Variants in SOBP observed in about 807,000 individuals in gnomAD.
SOBP encodes sine oculis-binding protein homolog.
In SOBP, 4 loss-of-function variants were observed where a neutral mutation model predicts 53.6. The ratio of observed to expected loss-of-function variants is 0.07; its 90% confidence interval spans 0.04 to 0.17. The LOEUF is 0.17. Among genes scored for constraint, SOBP ranks in the 10% least tolerant of loss-of-function variants. The pLI, the probability that SOBP is intolerant of heterozygous loss-of-function variation, is 1.00. For missense variants in SOBP, 1,088 were observed against 1,204.7 expected (o/e 0.90, Z 1.43); for synonymous variants, 584 against 522.6 (o/e 1.12, Z -1.60).
chr6:107,639,558 C>T (rs970058863), intron 6 of SOBP, among the ~76,000 whole-genome samples: 17 of 152,112 alleles, frequency 1.1e-4, no homozygotes, highest in Admixed American at 2.0e-4. Context: ...GAAAAAATAT[C>T]CCCCCGAATA....
intron 4 of SOBP, among the ~76,000 whole-genome samples, chr6:107,566,715 C>T (rs998084958): frequency 1.3e-5 from 2 of 152,366 alleles, no homozygotes; most frequent in Admixed American, 6.5e-5. Flanking sequence ...CAGTGCCTCT[C>T]AACATTGTGT....
intron 4 of SOBP, among the ~76,000 whole-genome samples, chr6:107,548,488 C>T (rs542910287): frequency 8.5e-5 from 13 of 152,178 alleles, no homozygotes; most frequent in East Asian, 3.9e-4. Flanking sequence ...GTGATGCGCC[C>T]GCCTTGGCCT....
intron 4 of SOBP, among the ~76,000 whole-genome samples, chr6:107,573,157 T>G (rs1403850753): frequency 6.6e-6 from 1 of 152,132 alleles, no homozygotes; most frequent in Non-Finnish European, 1.5e-5. Context: ...GTGTCCAGAT[T>G]GTGTAGAGGG....
intron 3 of SOBP, among the ~76,000 whole-genome samples, chr6:107,529,802 A>G (rs985723672): frequency 5.9e-5 from 9 of 152,180 alleles, no homozygotes; most frequent in Non-Finnish European, 8.8e-5. Context: ...TCTTGGAGTA[A>G]TCTGAACTTC....
At chr6:107,638,714 G>C (rs1425057207) in intron 6 of SOBP, among the ~76,000 whole-genome samples, 3 of 152,166 alleles carry the variant, frequency 2.0e-5, no homozygotes, top group Non-Finnish European at 4.4e-5. Context: ...CTCAGGCTGA[G>C]ATGTGGTGGG....
chr6:107,631,813 A>G (rs779789796), intron 5 of SOBP, among the ~76,000 whole-genome samples: 17 of 152,258 alleles, frequency 1.1e-4, no homozygotes, highest in Non-Finnish European at 2.2e-4. Context: ...TGAACGGGCA[A>G]TTTGATGAGA....
chr6:107,536,655 G>T (rs1435988870), intron 4 of SOBP, among the ~76,000 whole-genome samples: 1 of 152,090 alleles, frequency 6.6e-6, no homozygotes, highest in African/African-American at 2.4e-5. Flanking sequence ...TAGTATATAG[G>T]TTATATTTTT....
intron 6 of SOBP, among the ~76,000 whole-genome samples, chr6:107,639,869 A>G (rs375139579): frequency 6.6e-6 from 1 of 152,232 alleles, no homozygotes; most frequent in Non-Finnish European, 1.5e-5. Flanking sequence ...TACAAGGAGT[A>G]ACCCTTTCAT....
chr6:107,585,224 A>G (rs1305261892), intron 4 of SOBP, among the ~76,000 whole-genome samples: 2 of 152,236 alleles, frequency 1.3e-5, no homozygotes, highest in Non-Finnish European at 2.9e-5. Context: ...GGCACTGGGC[A>G]TGGCAGAACA....
At chr6:107,501,593 G>T (rs888367087) in intron 1 of SOBP, among the ~76,000 whole-genome samples, 4 of 151,962 alleles carry the variant, frequency 2.6e-5, no homozygotes, top group Admixed American at 1.3e-4. Flanking sequence ...GTTGGGAATT[G>T]TTTTTTTTGA....
At chr6:107,591,532 T>C (rs1323137323) in intron 5 of SOBP, among the ~76,000 whole-genome samples, 1 of 151,678 alleles carries the variant, frequency 6.6e-6, no homozygotes, top group Admixed American at 6.6e-5. Flanking sequence ...GGAAGGGGGT[T>C]TTCCCAGCAG....
At chr6:107,585,999 C>G (rs1020219501) in intron 4 of SOBP, among the ~76,000 whole-genome samples, 2 of 152,148 alleles carry the variant, frequency 1.3e-5, no homozygotes, top group East Asian at 3.9e-4. Flanking sequence ...CTCAGCTGTT[C>G]CCTTGGTGCC....
intron 4 of SOBP, among the ~76,000 whole-genome samples, chr6:107,552,959 A>G (rs1025432457): frequency 6.6e-6 from 1 of 152,190 alleles, no homozygotes; most frequent in African/African-American, 2.4e-5. Flanking sequence ...TGATGAAGAC[A>G]TAATAGCTAA....
At chr6:107,639,941 A>C (rs1195625467) in intron 6 of SOBP, among the ~76,000 whole-genome samples, 1 of 152,212 alleles carries the variant, frequency 6.6e-6, no homozygotes, top group African/African-American at 2.4e-5. Flanking sequence ...AAGAAAATAT[A>C]AGACCCTTTT....
intron 3 of SOBP, among the ~76,000 whole-genome samples, chr6:107,533,197 A>G (rs187962291): frequency 4.0e-4 from 58 of 145,694 alleles, no homozygotes; most frequent in Non-Finnish European, 3.7e-4. Flanking sequence ...CCAGGCTAAG[A>G]AGCCCTAGGA....
intron 1 of SOBP, among the ~76,000 whole-genome samples, chr6:107,500,568 C>A (rs890161047): frequency 1.3e-5 from 2 of 151,758 alleles, no homozygotes; most frequent in African/African-American, 2.4e-5. Context: ...GTCGCCCAGG[C>A]TGGAGTGCAG....
intron 4 of SOBP, among the ~76,000 whole-genome samples, chr6:107,534,018 ACCCAGTG>A (rs1306028508): frequency 6.6e-6 from 1 of 152,214 alleles, no homozygotes; most frequent in East Asian, 1.9e-4. Context: ...TAATTCTTGT[ACCCAGTG>A]GAAATACTGC....
chr6:107,540,226 C>T (rs1198093899), intron 4 of SOBP, among the ~76,000 whole-genome samples: 3 of 152,218 alleles, frequency 2.0e-5, no homozygotes, highest in African/African-American at 7.2e-5. Flanking sequence ...ATGGGGGATC[C>T]AAGCTATAGG....
intron 5 of SOBP, among the ~76,000 whole-genome samples, chr6:107,618,580 A>G (rs1417924859): frequency 2.0e-5 from 3 of 152,244 alleles, no homozygotes; most frequent in Non-Finnish European, 4.4e-5. Flanking sequence ...TGTTTGAAGT[A>G]GTTTTCTTGA....
Sources: gnomAD v4.1 joint callset for allele counts (sites outside exome capture counted in the v4.1 genomes callset) on GRCh38, gnomAD v4.1.1 for gene constraint, MANE v1.5 for transcripts, NCBI Gene and HGNC (gene_info 2026-07-23, HGNC 2026-07-21) for gene names.